Variants in ATXN10 observed in about 807,000 individuals in gnomAD.
The protein encoded by ATXN10 is ataxin-10.
A neutral mutation model predicts 52.9 loss-of-function variants in ATXN10; 28 were observed. The observed-to-expected ratio is 0.53, with a 90% CI of 0.39 to 0.73. The LOEUF is 0.73. Among genes scored for constraint, ATXN10 ranks in the 30% least tolerant of loss-of-function variants. The probability of loss-of-function intolerance (pLI) is 0.00; values close to 1 mark genes in which losing one functional copy is unlikely to be tolerated. For synonymous variants in ATXN10, 226 were observed against 221.5 expected (o/e 1.02, Z -0.18); for missense variants, 565 against 577.0 (o/e 0.98, Z 0.21).
rs1431273118 is a variant in ATXN10 at position 45,684,126 on chromosome 22, C to T, written c.117-5586C>T. Among the ~76,000 whole-genome samples, 1 of 113,732 alleles carries T rather than the reference C, an allele frequency of 8.8e-6. No individual in the cohort carries two copies. Among genetic ancestry groups the T allele is most frequent in the East Asian group, 2.3e-4 (1 of 4,294 alleles). The allele number at this position is 113,732 out of a possible 152,430, so 74.6% of individuals were successfully genotyped here. A position where few individuals can be genotyped will look rare whatever the true frequency, so the allele number is the denominator to read the frequency against. On this transcript the variant is annotated intron_variant, in intron 1 of 11. Transcript: ENST00000252934. This position sits in a 1 kb window ranked among gnomAD's most constrained non-coding sequence, Gnocchi z 4.1. ...GACCATCAAGCCCAGCTAATTAAAA[C>T]AAGTTTTTTTGTTTTTTTTTTTTTT...
intron 10 of ATXN10, among the ~76,000 whole-genome samples, chr22:45,832,476 A>G (rs1023627044): frequency 7.2e-5 from 11 of 152,156 alleles, no homozygotes; most frequent in Admixed American, 6.5e-4. Flanking sequence ...CTCTTTCCCC[A>G]AGTTGTCCTC....
intron 9 of ATXN10, among the ~76,000 whole-genome samples, chr22:45,799,700 C>T (rs136009): frequency 0.84 from 128,110 of 152,194 alleles, 53,965 homozygotes; most frequent in Middle Eastern, 0.88. Context: ...AAATTCCTGT[C>T]TTTTATACCA....
At position 45,722,841 on chromosome 22, in the gene ATXN10, G is replaced by A. The variant is rs78645796; in HGVS notation, c.728+4348G>A. On this transcript the variant is annotated intron_variant, in intron 6 of 11. Transcript: ENST00000252934. The stretch of plus-strand genomic sequence containing the variant: ...TGATTCAGGATCTGCACTATTGTTC[G>A]TTTTTTTTCTTCAGTTGTAATCCAT... 1.8e-3 allele frequency among the ~76,000 whole-genome samples: 275 copies of A among 151,748 alleles called. 1 individual carries two copies. Among genetic ancestry groups the A allele is most frequent in the Non-Finnish European group, 3.2e-3 (217 of 67,904 alleles).
chr22:45,829,551 G>T (rs1928922989), intron 10 of ATXN10, among the ~76,000 whole-genome samples: 1 of 151,978 alleles, frequency 6.6e-6, no homozygotes, highest in East Asian at 1.9e-4. Context: ...ACTATATAAA[G>T]TCAACACACA....
chr22:45,838,986 G>A (rs1334302099), intron 10 of ATXN10, among the ~76,000 whole-genome samples: 1 of 152,250 alleles, frequency 6.6e-6, no homozygotes, highest in Non-Finnish European at 1.5e-5. Flanking sequence ...AGAGGGGGCA[G>A]TGGAGCAAAC....
rs1395277103 is a variant in ATXN10 at position 45,774,800 on chromosome 22, G to A, written c.1174-32159G>A. ...ATACAAAAATTAGCTGAGTGTGGTG[G>A]CACGCGCCTGTAATCCCAGTTACTG... On this transcript the variant is annotated intron_variant, in intron 9 of 11. Transcript: ENST00000252934. This position sits in a 1 kb window ranked among gnomAD's most constrained non-coding sequence, Gnocchi z 6.2. Among the ~76,000 whole-genome samples the A allele has an allele frequency of 6.6e-6, 1 of 152,174 alleles. No individual in the cohort carries two copies.
At position 45,780,164 on chromosome 22, in the gene ATXN10, A is replaced by G. The variant is rs1008650290; in HGVS notation, c.1174-26795A>G. The stretch of plus-strand genomic sequence containing the variant: ...AGTGGCACGATCTTGGTTCACTGCA[A>G]CCTCCACCTCCCAGGTTCAAGCGAT... On this transcript the variant is annotated intron_variant, in intron 9 of 11. Coordinates refer to ENST00000252934, the MANE Select transcript of ATXN10 (RefSeq NM_013236.4). This position sits in a 1 kb window ranked among gnomAD's most constrained non-coding sequence, Gnocchi z 4.0. Among the ~76,000 whole-genome samples, 2 of 151,652 alleles carry G rather than the reference A, an allele frequency of 1.3e-5. No individual in the cohort carries two copies. The highest frequency in any genetic ancestry group is 2.9e-5 in the Non-Finnish European group (2 of 67,982).
Position 45,754,773 on chromosome 22 carries a change from T to G in ATXN10, c.1173+14235T>G, listed in dbSNP as rs1288212446. ...GGGAGGCTGAGGCAGGAGGATCGCT[T>G]GAACTCTGGAGGCAGAGGTTGCAGT... On this transcript the variant is annotated intron_variant, in intron 9 of 11. Coordinates refer to ENST00000252934, the MANE Select transcript of ATXN10 (RefSeq NM_013236.4). This position sits in a 1 kb window ranked among gnomAD's most constrained non-coding sequence, Gnocchi z 5.4. Among the ~76,000 whole-genome samples the G allele has an allele frequency of 6.6e-6, 1 of 152,234 alleles. No individual in the cohort carries two copies. Among genetic ancestry groups the G allele is most frequent in the African/African-American group, 2.4e-5 (1 of 41,464 alleles).
At chr22:45,687,731 C>G (rs572344581) in intron 1 of ATXN10, among the ~76,000 whole-genome samples, 2 of 152,250 alleles carry the variant, frequency 1.3e-5, no homozygotes, top group Admixed American at 1.3e-4. Context: ...TGAGTGTCTA[C>G]AATATATTTG....
At chr22:45,777,712 AT>A (rs1927008544) in intron 9 of ATXN10, among the ~76,000 whole-genome samples, 1 of 152,220 alleles carries the variant, frequency 6.6e-6, no homozygotes, top group African/African-American at 2.4e-5. Context: ...TGGATTAACT[AT>A]GTCTGTGCAC....
At position 45,759,051 on chromosome 22, in the gene ATXN10, C is replaced by T. The variant is rs1249514236; in HGVS notation, c.1173+18513C>T. ...CCATTCTTATTTAAAGGCAGTATAT[C>T]TCATATCTTTAAAGATAACTTTAGA... On this transcript the variant is annotated intron_variant, in intron 9 of 11. Transcript: ENST00000252934. This position sits in a 1 kb window ranked among gnomAD's most constrained non-coding sequence, Gnocchi z 5.4. Among the ~76,000 whole-genome samples, 1 of 152,156 alleles carries T rather than the reference C, an allele frequency of 6.6e-6. No homozygotes were observed. Among genetic ancestry groups the T allele is most frequent in the Admixed American group, 6.5e-5 (1 of 15,274 alleles).
chr22:45,836,417 T>TCTCCTGC (rs563281896), intron 10 of ATXN10, among the ~76,000 whole-genome samples: 6 of 152,254 alleles, frequency 3.9e-5, no homozygotes, highest in Admixed American at 2.6e-4. Flanking sequence ...CCCCTCCCTG[T>TCTCCTGC]CTCCTGCCTC....
rs964822712 is a variant in ATXN10 at position 45,718,547 on chromosome 22, C to A, written c.728+54C>A. ...TATTTAGCATTCCATATAGGGTATT[C>A]GATGCACGTGACTGAAAAGCTGTGT... On this transcript the variant is annotated intron_variant, in intron 6 of 11. Coordinates refer to ENST00000252934, the MANE Select transcript of ATXN10 (RefSeq NM_013236.4). The surrounding 1 kb of genome is among the most constrained non-coding windows in gnomAD (Gnocchi z 4.4). 8.4e-6 allele frequency: 12 copies of A among 1,422,676 alleles called. 1 individual carries two copies. The African/African-American group carries it at 1.3e-4, about 15-fold the overall frequency. 88.1% of individuals were successfully genotyped at this position (1,422,676 alleles called of 1,614,324 possible). A position where few individuals can be genotyped will look rare whatever the true frequency, so the allele number is the denominator to read the frequency against.
intron 9 of ATXN10, among the ~76,000 whole-genome samples, chr22:45,788,099 C>G (rs1483970606): frequency 6.6e-6 from 1 of 152,098 alleles, no homozygotes; most frequent in Non-Finnish European, 1.5e-5. Context: ...ATTTCCAGTG[C>G]CCAAGATTTA....
intron 9 of ATXN10, among the ~76,000 whole-genome samples, chr22:45,802,124 T>G (rs1462641211): frequency 6.6e-6 from 1 of 152,216 alleles, no homozygotes. Flanking sequence ...CAAATCTATT[T>G]GTTGTCCTCT....
At chr22:45,736,117 C>G (rs1254434453) in intron 7 of ATXN10, among the ~76,000 whole-genome samples, 1 of 151,846 alleles carries the variant, frequency 6.6e-6, no homozygotes, top group Non-Finnish European at 1.5e-5. Flanking sequence ...TCATCTCTTC[C>G]AACCTCTAAT....
rs1928776581 is a variant in ATXN10, at chr22:45,825,184, G to A, written c.1238-17807G>A. On this transcript the variant is annotated intron_variant, in intron 10 of 11. Transcript: ENST00000252934. This position sits in a 1 kb window ranked among gnomAD's most constrained non-coding sequence, Gnocchi z 4.5. ...GTCAGTGCTCTGATTACTGATTTCAGCTTTTGATCACAGAGGTACAGACAA... is the reference window on the plus strand; with the variant it reads ...GTCAGTGCTCTGATTACTGATTTCAACTTTTGATCACAGAGGTACAGACAA... 6.6e-6 allele frequency among the ~76,000 whole-genome samples: 1 copy of A among 152,176 alleles called. No individual in the cohort carries two copies. Among genetic ancestry groups the A allele is most frequent in the African/African-American group, 2.4e-5 (1 of 41,436 alleles).
At position 45,677,495 on chromosome 22, in the gene ATXN10, A is replaced by G. The variant is rs1922745540; in HGVS notation, c.116+5316A>G. 1 of 151,052 alleles carries G rather than the reference A, an allele frequency of 6.6e-6. No individual in the cohort carries two copies. Among genetic ancestry groups the G allele is most frequent in the Admixed American group, 6.6e-5 (1 of 15,228 alleles). The allele number at this position is 151,052 out of a possible 1,614,324, so 9.4% of individuals were successfully genotyped here. On this transcript the variant is annotated intron_variant, in intron 1 of 11. Coordinates refer to ENST00000252934, the MANE Select transcript of ATXN10 (RefSeq NM_013236.4). The surrounding 1 kb of genome is among the most constrained non-coding windows in gnomAD (Gnocchi z 4.1). ...GGTGTTTAATTTAAAAATTAAAAAA[A>G]AATTCAGGCCAAAAGGTCTTAAAAA...
In ATXN10 at chr22:45,727,020, T is replaced by TCAACA. The variant is rs2043446821; in HGVS notation, c.729-2405_729-2404insCAACA. ...TCTCTAGTTCTTTGAGGTATGATGTTAGATTGTCAACTTGTGGTCTTTCAG... is the reference window on the plus strand; with the variant it reads ...TCTCTAGTTCTTTGAGGTATGATGTTCAACAAGATTGTCAACTTGTGGTCTTTCAG... On this transcript the variant is annotated intron_variant, in intron 6 of 11. Transcript: ENST00000252934. This position sits in a 1 kb window ranked among gnomAD's most constrained non-coding sequence, Gnocchi z 4.6. Among the ~76,000 whole-genome samples, 2 of 152,214 alleles carry TCAACA rather than the reference T, an allele frequency of 1.3e-5. No homozygotes were observed. Among genetic ancestry groups the TCAACA allele is most frequent in the Non-Finnish European group, 2.9e-5 (2 of 68,030 alleles).
Sources: allele counts gnomAD v4.1 joint callset (sites outside exome capture counted in the v4.1 genomes callset), GRCh38; gene constraint gnomAD v4.1.1; non-coding constraint Gnocchi (gnomAD v3.1); transcripts MANE v1.5; gene names NCBI Gene and HGNC (gene_info 2026-07-23, HGNC 2026-07-21).